MEGF9: variants seen among roughly 807,000 people sequenced by gnomAD.
The protein encoded by MEGF9 is multiple epidermal growth factor-like domains protein 9.
Under a neutral mutation model 46.8 loss-of-function variants are expected in MEGF9, and 6 were observed. The observed-to-expected ratio is 0.13, with a 90% confidence interval of 0.07 to 0.25. The LOEUF (loss-of-function observed/expected upper bound fraction) is 0.25, where lower values mean the gene tolerates loss of function less well. MEGF9 is among the 10% of genes least tolerant of loss of function. The pLI is 1.00. For missense variants in MEGF9, 683 were observed against 792.4 expected, an observed-to-expected ratio of 0.86 and a Z score of 1.66; for synonymous variants, 302 against 330.7, an observed-to-expected ratio of 0.91 and a Z score of 0.94.
intron 2 of MEGF9, among the ~76,000 whole-genome samples, chr9:120,629,980 C>T (rs767846286): frequency 1.1e-4 from 17 of 151,816 alleles, no homozygotes; most frequent in Middle Eastern, 3.4e-3. Flanking sequence ...CATTAATTTA[C>T]GTATTGTCTA....
intron 1 of MEGF9, among the ~76,000 whole-genome samples, chr9:120,674,576 C>CT (rs368915898): frequency 0.017 from 2,487 of 148,628 alleles, 65 homozygotes; most frequent in African/African-American, 0.056. Flanking sequence ...TTCTCTCTCT[C>CT]TTTTTTTTTT....
At chr9:120,703,260 A>G (rs1018382241) in intron 1 of MEGF9, among the ~76,000 whole-genome samples, 9 of 152,362 alleles carry the variant, frequency 5.9e-5, no homozygotes, top group South Asian at 2.1e-4. Context: ...GTATACCTAC[A>G]AACTGTTCCT....
At chr9:120,640,045 C>T (rs190699558) in intron 2 of MEGF9, among the ~76,000 whole-genome samples, 3 of 152,258 alleles carry the variant, frequency 2.0e-5, no homozygotes. Flanking sequence ...TGAACCAATA[C>T]CACCCTGTCT....
intron 1 of MEGF9, among the ~76,000 whole-genome samples, chr9:120,683,901 A>AAACCCCAAAACAAACAAAAAAC (rs1450243172): frequency 6.6e-6 from 1 of 152,186 alleles, no homozygotes; most frequent in Non-Finnish European, 1.5e-5. Context: ...CTTCAAAAAA[A>AAACCCCAAAACAAACAAAAAAC]AACCCCAAAA....
intron 2 of MEGF9, among the ~76,000 whole-genome samples, chr9:120,652,601 C>T (rs1186658035): frequency 6.6e-6 from 1 of 151,230 alleles, no homozygotes; most frequent in Non-Finnish European, 1.5e-5. Flanking sequence ...CACACACACA[C>T]ACACACACAC....
intron 2 of MEGF9, among the ~76,000 whole-genome samples, chr9:120,655,062 A>T (rs2043670334): frequency 6.6e-6 from 1 of 152,222 alleles, no homozygotes. Flanking sequence ...AGAGTAAGCT[A>T]AGATTAATTT....
intron 1 of MEGF9, among the ~76,000 whole-genome samples, chr9:120,693,293 AAG>A (rs1491082364): frequency 0.02 from 2,710 of 134,268 alleles, 55 homozygotes; most frequent in African/African-American, 0.066. Flanking sequence ...AAAAAAAAAA[AAG>A]AAGAAGAAGA....
At chr9:120,630,527 G>C (rs2043545964) in intron 2 of MEGF9, among the ~76,000 whole-genome samples, 2 of 152,216 alleles carry the variant, frequency 1.3e-5, no homozygotes, top group African/African-American at 4.8e-5. Context: ...TATACACCCA[G>C]TAGAGGGATT....
chr9:120,622,645 T>C lies in MEGF9; in HGVS notation c.914A>G (p.Asn305Ser). The C allele has an allele frequency of 1.2e-6, 2 of 1,613,830 alleles. No homozygotes were observed. The highest frequency in any genetic ancestry group is 1.1e-5 in the South Asian group (1 of 91,060). The change falls in exon 3 of 6, where the codon AAT becomes AGT. Residue 305 changes from asparagine to serine, a missense_variant. By Grantham distance (46) the Asn-to-Ser change is conservative. Transcript: ENST00000373930. Reference sequence around the variant, plus strand: ...GAGGGCATCGCAACTGGCAGACCGATTATTGCATTGGCAGGGCAAGCAGCC... The same window carrying C: ...GAGGGCATCGCAACTGGCAGACCGACTATTGCATTGGCAGGGCAAGCAGCC... ...KNGCLPCQCN[N>S]RSASCDALTG...
chr9:120,691,325 T>C, intron 1 of MEGF9: 1 of 337,836 alleles, frequency 3.0e-6, no homozygotes, highest in Non-Finnish European at 6.1e-6. Flanking sequence ...GGGTGAGAGA[T>C]ATGAGAAAGG....
At chr9:120,712,862 G>A (rs1588004116) in intron 1 of MEGF9, among the ~76,000 whole-genome samples, 1 of 152,150 alleles carries the variant, frequency 6.6e-6, no homozygotes, top group Non-Finnish European at 1.5e-5. Flanking sequence ...TTTAGTCCTA[G>A]GCCCACTTAA....
intron 1 of MEGF9, among the ~76,000 whole-genome samples, chr9:120,666,350 G>C (rs1165253807): frequency 6.6e-6 from 1 of 152,150 alleles, no homozygotes; most frequent in Non-Finnish European, 1.5e-5. Flanking sequence ...ACTTGCAAAA[G>C]TAGATGGAAA....
At chr9:120,606,791 A>C (rs2132296621) in intron 5 of MEGF9, among the ~76,000 whole-genome samples, 2 of 152,308 alleles carry the variant, frequency 1.3e-5, no homozygotes, top group East Asian at 1.9e-4. Context: ...GTAGGTACTC[A>C]ATAAAAGTAT....
intron 3 of MEGF9, among the ~76,000 whole-genome samples, chr9:120,619,439 A>T (rs920467165): frequency 9.2e-5 from 14 of 152,236 alleles, no homozygotes; most frequent in Non-Finnish European, 1.9e-4. Flanking sequence ...CACTATATAA[A>T]GGCTGTACAA....
intron 1 of MEGF9, among the ~76,000 whole-genome samples, chr9:120,699,571 A>G (rs527505302): frequency 2.0e-5 from 3 of 149,874 alleles, no homozygotes; most frequent in Non-Finnish European, 4.4e-5. Context: ...TTTTTTTTTT[A>G]AATTAGCTGA....
In MEGF9 at chr9:120,604,212, G is replaced by C. The variant is rs1255206144; in HGVS notation, c.*978C>G. ...CTTTTAGACTGAGAAAGGAAAGAAA[G>C]AAACATTCGACCTCTTATAAATTTC... On this transcript the variant is annotated 3_prime_UTR_variant, in exon 6 of 6. Transcript: ENST00000373930. 1 of 152,464 alleles carries C rather than the reference G, an allele frequency of 6.6e-6. No homozygotes were observed. Among genetic ancestry groups the C allele is most frequent in the Non-Finnish European group, 1.5e-5 (1 of 68,010 alleles). 9.4% of individuals were successfully genotyped at this position (152,464 alleles called of 1,614,324 possible). A position where few individuals can be genotyped will look rare whatever the true frequency, so the allele number is the denominator to read the frequency against.
At chr9:120,697,246 C>G (rs975373100) in intron 1 of MEGF9, among the ~76,000 whole-genome samples, 3 of 152,304 alleles carry the variant, frequency 2.0e-5, no homozygotes, top group South Asian at 2.1e-4. Flanking sequence ...TTATACCCAG[C>G]TAGTTTTTGC....
intron 1 of MEGF9, among the ~76,000 whole-genome samples, chr9:120,670,629 T>C (rs1181425144): frequency 6.6e-6 from 1 of 152,204 alleles, no homozygotes; most frequent in Non-Finnish European, 1.5e-5. Context: ...AGCAAATGGT[T>C]GCAACTTCAT....
intron 1 of MEGF9, among the ~76,000 whole-genome samples, chr9:120,686,385 T>C (rs1185756424): frequency 6.6e-6 from 1 of 152,216 alleles, no homozygotes; most frequent in Non-Finnish European, 1.5e-5. Flanking sequence ...GCCGAGGGAA[T>C]TCTTATTTAA....
Sources: allele counts gnomAD v4.1 joint callset (sites outside exome capture counted in the v4.1 genomes callset), GRCh38; gene constraint gnomAD v4.1.1; transcripts MANE v1.5; gene names NCBI Gene and HGNC (gene_info 2026-07-23, HGNC 2026-07-21).